Variants in SEL1L observed in about 807,000 individuals in gnomAD.
SEL1L encodes the protein SEL1L adaptor subunit of SYVN1 ubiquitin ligase.
In SEL1L, 52 loss-of-function variants were observed where a neutral mutation model predicts 109.8. That is an observed-to-expected ratio of 0.47 (90% CI 0.38 to 0.60). The LOEUF (loss-of-function observed/expected upper bound fraction) is 0.60, where lower values mean the gene tolerates loss of function less well. Among genes scored for constraint, SEL1L ranks in the 20% least tolerant of loss-of-function variants. SEL1L has a pLI of 0.00. For missense variants in SEL1L, 749 were observed against 962.2 expected (o/e 0.78, Z 2.93); for synonymous variants, 373 against 339.6 (o/e 1.10, Z -1.08).
intron 16 of SEL1L, 87 bp downstream of exon 16, chr14:81,487,303 A>C (rs1266787857): frequency 2.7e-5 from 35 of 1,310,914 alleles, no homozygotes; most frequent in Non-Finnish European, 3.3e-5. Flanking sequence ...ACAGAAGAAA[A>C]CATACAAAAA....
intron 2 of SEL1L, 67 bp from the exon 3 acceptor site, chr14:81,527,031 AT>A: frequency 9.0e-7 from 1 of 1,108,786 alleles, no homozygotes; most frequent in Non-Finnish European, 1.4e-6. Flanking sequence ...TTTGACCGTT[AT>A]TTTTACTAAT....
rs762449077 is a variant in SEL1L at position 81,504,278 on chromosome 14, C to G, written c.537G>C (p.Gln179His). 2 of 1,599,480 alleles carry G rather than the reference C, an allele frequency of 1.3e-6. No individual in the cohort carries two copies. Among genetic ancestry groups the G allele is most frequent in the Non-Finnish European group, 1.7e-6 (2 of 1,173,326 alleles). Residue 179 changes from glutamine (Q) to histidine (H), a missense_variant, in exon 5 of 21, where the codon CAG becomes CAC. This residue lies in a region of SEL1L where 366 missense variants were observed against 399.8 expected (regional missense o/e 0.92). Transcript: ENST00000336735. The stretch of plus-strand genomic sequence containing the variant: ...GATACATCATTTCTGCTTCCTGCAT[C>G]TGCCGTCTCTTAGCAGCCTCTTCTT... ...ETEEEAAKRR[Q>H]MQEAEMMYQT...
At chr14:81,508,755 G>T (rs1254999492) in intron 3 of SEL1L, among the ~76,000 whole-genome samples, 4 of 152,156 alleles carry the variant, frequency 2.6e-5, no homozygotes, top group Non-Finnish European at 5.9e-5. Flanking sequence ...AATAGCAAAT[G>T]ATGGTTTAAA....
rs1205766596 is a variant in SEL1L, at chr14:81,472,881, G to A, written c.*4091C>T. 2 of 235,810 alleles carry A rather than the reference G, an allele frequency of 8.5e-6. No individual in the cohort carries two copies. Among genetic ancestry groups the A allele is most frequent in the Non-Finnish European group, 1.7e-5 (2 of 118,182 alleles). The allele number at this position is 235,810 out of a possible 1,614,324, so 14.6% of individuals were successfully genotyped here. ...CATTCAGCTTAAAAAAAGTCTGTCT[G>A]GAAAGGTGCTTGGTTGTGGTATATT... On this transcript the variant is annotated 3_prime_UTR_variant, in exon 21 of 21. Coordinates refer to ENST00000336735, the MANE Select transcript of SEL1L (RefSeq NM_005065.6).
At chr14:81,524,093 T>C (rs1885023141) in intron 3 of SEL1L, among the ~76,000 whole-genome samples, 1 of 151,936 alleles carries the variant, frequency 6.6e-6, no homozygotes. Flanking sequence ...AAAGACTTGA[T>C]GAGAGAAAAT....
chr14:81,496,094 C>T (rs914214318), intron 10 of SEL1L, among the ~76,000 whole-genome samples: 5 of 151,980 alleles, frequency 3.3e-5, no homozygotes, highest in Admixed American at 6.5e-5. Context: ...GAGGCCGAGG[C>T]GGGCAGATCA....
intron 6 of SEL1L, among the ~76,000 whole-genome samples, chr14:81,500,225 C>A (rs1331887247): frequency 6.6e-6 from 1 of 151,256 alleles, no homozygotes; most frequent in Non-Finnish European, 1.5e-5. Flanking sequence ...TTAAATGTAA[C>A]TTTATTTTTA....
In SEL1L at chr14:81,533,803, G is replaced by T; in HGVS notation, c.-59C>A. ...TGTCGCCTTCGCCTCTGCCACCACG[G>T]ACTCAGCCACCACCGCCGCCTCGCC... On this transcript the variant is annotated 5_prime_UTR_variant, in exon 1 of 21. Coordinates refer to ENST00000336735, the MANE Select transcript of SEL1L (RefSeq NM_005065.6). 3.3e-6 allele frequency: 5 copies of T among 1,534,014 alleles called. No homozygotes were observed. The South Asian group carries it at 4.6e-5, about 14-fold the overall frequency.
Position 81,531,704 on chromosome 14 carries a change from A to C in SEL1L, c.70+1971T>G, listed in dbSNP as rs531275807. Among the ~76,000 whole-genome samples the C allele has an allele frequency of 2.5e-4, 38 of 152,086 alleles. 1 individual carries two copies. Among genetic ancestry groups the C allele is most frequent in the African/African-American group, 9.2e-4 (38 of 41,484 alleles). On this transcript the variant is annotated intron_variant, in intron 1 of 20. Transcript: ENST00000336735. ...CGAGTAGCTGGAACTACACGTGTGCACCATCACACCTGGAGTTACGTAGAG... is the reference window on the plus strand; with the variant it reads ...CGAGTAGCTGGAACTACACGTGTGCCCCATCACACCTGGAGTTACGTAGAG...
intron 3 of SEL1L, among the ~76,000 whole-genome samples, chr14:81,510,755 G>A (rs976948430): frequency 1.3e-5 from 2 of 151,960 alleles, no homozygotes; most frequent in African/African-American, 4.8e-5. Context: ...TCCAAACATA[G>A]AGTACTAAGT....
intron 1 of SEL1L, among the ~76,000 whole-genome samples, chr14:81,531,901 T>C (rs970779410): frequency 1.3e-5 from 2 of 152,224 alleles, no homozygotes; most frequent in African/African-American, 4.8e-5. Flanking sequence ...CCTTTTAGCA[T>C]GCACATCTAC....
chr14:81,496,503 C>T (rs1029052308), intron 10 of SEL1L, among the ~76,000 whole-genome samples: 1 of 152,068 alleles, frequency 6.6e-6, no homozygotes, highest in South Asian at 2.1e-4. Context: ...CTTTGGGAGG[C>T]TGAGGTGGGT....
Position 81,527,697 on chromosome 14 carries a change from A to C in SEL1L, c.108+4T>G, listed in dbSNP as rs199763026. The C allele has an allele frequency of 2.4e-5, 38 of 1,600,232 alleles. No individual in the cohort carries two copies. In the African/African-American group the frequency reaches 4.4e-4, roughly 19 times the overall value. The stretch of plus-strand genomic sequence containing the variant: ...TACTGGCCAATACACATTTTAGTAC[A>C]TACCTTGGAATCTAAGGATTCATCC... On this transcript the variant is annotated splice_donor_region_variant and intron_variant, in intron 2 of 20. Coordinates refer to ENST00000336735, the MANE Select transcript of SEL1L (RefSeq NM_005065.6).
At chr14:81,518,185 G>C (rs117020462) in intron 3 of SEL1L, among the ~76,000 whole-genome samples, 1 of 151,542 alleles carries the variant, frequency 6.6e-6, no homozygotes, top group African/African-American at 2.4e-5. Context: ...GAGCCACTGC[G>C]CCCGGCTTGG....
chr14:81,521,302 T>A (rs1365497476), intron 3 of SEL1L, among the ~76,000 whole-genome samples: 2 of 152,192 alleles, frequency 1.3e-5, no homozygotes, highest in Non-Finnish European at 2.9e-5. Context: ...GACTTTCATT[T>A]CTGGGTCAAG....
chr14:81,507,857 G>A (rs1249963850), intron 3 of SEL1L, among the ~76,000 whole-genome samples: 1 of 152,116 alleles, frequency 6.6e-6, no homozygotes, highest in East Asian at 1.9e-4. Flanking sequence ...AGCAGAGCTC[G>A]GTCATGAAGG....
At chr14:81,520,878 G>A (rs1275151722) in intron 3 of SEL1L, among the ~76,000 whole-genome samples, 1 of 152,092 alleles carries the variant, frequency 6.6e-6, no homozygotes, top group Admixed American at 6.6e-5. Context: ...GTCGGAAACA[G>A]CTTTCTTTCG....
At chr14:81,496,340 C>CA (rs1555413758) in intron 10 of SEL1L, among the ~76,000 whole-genome samples, 8,680 of 147,224 alleles carry the variant, frequency 0.059, 848 homozygotes, top group African/African-American at 0.2. Flanking sequence ...AAAACAAAAA[C>CA]AAAAAAAAAA....
intron 3 of SEL1L, among the ~76,000 whole-genome samples, chr14:81,510,498 C>CTA (rs1402234766): frequency 2.4e-4 from 30 of 125,546 alleles, no homozygotes; most frequent in Non-Finnish European, 4.3e-4. Context: ...CTCTCTCTCT[C>CTA]TCTCTCTCTC....
Sources: gnomAD v4.1 joint callset for allele counts (sites outside exome capture counted in the v4.1 genomes callset) on GRCh38, gnomAD v4.1.1 for gene constraint, gnomAD v4.1.1 regional missense constraint, MANE v1.5 for transcripts, NCBI Gene and HGNC (gene_info 2026-07-23, HGNC 2026-07-21) for gene names.